Variants in MAML2 observed in about 807,000 individuals in gnomAD.
MAML2 encodes the protein mastermind like transcriptional coactivator 2, also known as mastermind-like protein 2.
MAML2 carries 22 observed loss-of-function variants against 96.1 expected under a neutral mutation model. That is an observed-to-expected ratio of 0.23 (90% CI 0.16 to 0.33). The LOEUF is 0.33. Among genes scored for constraint, MAML2 ranks in the 10% least tolerant of loss-of-function variants. MAML2 has a pLI of 1.00. For missense variants in MAML2, 1,367 were observed against 1,392.4 expected (o/e 0.98, Z 0.29); for synonymous variants, 561 against 521.3 (o/e 1.08, Z -1.04).
In MAML2 at chr11:96,143,619, C is replaced by A. The variant is rs12789038; in HGVS notation, c.514-50102G>T. ...CTTTCCTTCCCTGTTCTAATTTGTC[C>A]CTGTTCAGAGACAAATAAATTGGAA... On this transcript the variant is annotated intron_variant, in intron 1 of 4. Coordinates refer to ENST00000524717, the MANE Select transcript of MAML2 (RefSeq NM_032427.4). Among the ~76,000 whole-genome samples the A allele has an allele frequency of 3.8e-3, 576 of 152,160 alleles. 3 individuals are homozygous for A. Among genetic ancestry groups the A allele is most frequent in the African/African-American group, 0.012 (517 of 41,512 alleles).
In MAML2 at chr11:96,114,067, T is replaced by C. The variant is rs1860182741; in HGVS notation, c.514-20550A>G. Among the ~76,000 whole-genome samples, 3 of 152,196 alleles carry C rather than the reference T, an allele frequency of 2.0e-5. No homozygotes were observed. In the South Asian group the frequency reaches 6.2e-4, roughly 31 times the overall value. ...AACAGGCCTTGGTTTTTTAAACATC[T>C]AATTTAATTATCTTTAATTTGTTAA... On this transcript the variant is annotated intron_variant, in intron 1 of 4. Transcript: ENST00000524717.
At position 96,204,287 on chromosome 11, in the gene MAML2, G is replaced by A. The variant is rs117278073; in HGVS notation, c.514-110770C>T. Among the ~76,000 whole-genome samples, 856 of 152,288 alleles carry A rather than the reference G, an allele frequency of 5.6e-3. 11 individuals carry two copies. The Middle Eastern group carries it at 0.068, about 12-fold the overall frequency. On this transcript the variant is annotated intron_variant, in intron 1 of 4. Coordinates refer to ENST00000524717, the MANE Select transcript of MAML2 (RefSeq NM_032427.4). The stretch of plus-strand genomic sequence containing the variant: ...TCAATATTTATTGAGCACCTACTAC[G>A]CGCCAACCCCTGTACTATGGAAGGA...
Position 95,978,760 on chromosome 11 carries a change from C to G in MAML2, c.*188G>C. ...AAAAGTGATCCCAATATTTTACTTTCAGGTGTAAGATTTAAAACAAGAATT... is the reference window on the plus strand; with the variant it reads ...AAAAGTGATCCCAATATTTTACTTTGAGGTGTAAGATTTAAAACAAGAATT... On this transcript the variant is annotated 3_prime_UTR_variant, in exon 5 of 5. Transcript: ENST00000524717. The G allele has an allele frequency of 1.7e-6, 1 of 581,046 alleles. No homozygotes were observed. The highest frequency in any genetic ancestry group is 3.0e-6 in the Non-Finnish European group (1 of 337,920). The allele number at this position is 581,046 out of a possible 1,614,324, so 36.0% of individuals were successfully genotyped here. A position where few individuals can be genotyped will look rare whatever the true frequency, so the allele number is the denominator to read the frequency against.
intron 2 of MAML2, among the ~76,000 whole-genome samples, chr11:96,082,428 C>T (rs1859541352): frequency 1.3e-5 from 2 of 152,118 alleles, no homozygotes; most frequent in African/African-American, 4.8e-5. Flanking sequence ...AACATGGACA[C>T]TCAGGGAAGG....
At chr11:96,316,868 G>T (rs1863640158) in intron 1 of MAML2, among the ~76,000 whole-genome samples, 1 of 151,966 alleles carries the variant, frequency 6.6e-6, no homozygotes, top group Admixed American at 6.5e-5. Context: ...CCAGACAGGG[G>T]ATTCAAGCTA....
At chr11:96,098,862 A>G (rs1050395697) in intron 1 of MAML2, among the ~76,000 whole-genome samples, 1 of 152,314 alleles carries the variant, frequency 6.6e-6, no homozygotes, top group South Asian at 2.1e-4. Flanking sequence ...TTAAGTAGCT[A>G]TGCTTCACTT....
At chr11:96,167,699 C>T (rs1251343373) in intron 1 of MAML2, among the ~76,000 whole-genome samples, 1 of 152,176 alleles carries the variant, frequency 6.6e-6, no homozygotes, top group Non-Finnish European at 1.5e-5. Context: ...TTCTTCAATA[C>T]CAGCTGCAAT....
At chr11:96,083,300 G>GT (rs1186547361) in intron 2 of MAML2, among the ~76,000 whole-genome samples, 1 of 152,146 alleles carries the variant, frequency 6.6e-6, no homozygotes, top group Non-Finnish European at 1.5e-5. Flanking sequence ...TACCTGTGCA[G>GT]TTTTTTTCAT....
chr11:96,259,500 C>T (rs1862718807), intron 1 of MAML2, among the ~76,000 whole-genome samples: 1 of 152,194 alleles, frequency 6.6e-6, no homozygotes, highest in South Asian at 2.1e-4. Context: ...AGAGAGGTGT[C>T]TTTAGCTTAG....
At chr11:96,186,683 T>C (rs949155624) in intron 1 of MAML2, among the ~76,000 whole-genome samples, 15 of 152,228 alleles carry the variant, frequency 9.9e-5, no homozygotes. Context: ...CATTTTATTT[T>C]CACAACTCCA....
chr11:96,271,841 C>T (rs1027196236), intron 1 of MAML2, among the ~76,000 whole-genome samples: 6 of 152,178 alleles, frequency 3.9e-5, no homozygotes, highest in South Asian at 2.1e-4. Context: ...TCTACAAGGC[C>T]GTATGCAACC....
intron 2 of MAML2, among the ~76,000 whole-genome samples, chr11:96,006,872 TACACACACACACACACAC>T (rs57492080): frequency 4.0e-5 from 5 of 123,968 alleles, no homozygotes; most frequent in Non-Finnish European, 6.8e-5. Context: ...GAATATCTTA[TACACACACACACACACAC>T]ACACACACAC....
chr11:96,196,122 G>C (rs1418675636), intron 1 of MAML2, among the ~76,000 whole-genome samples: 3 of 152,198 alleles, frequency 2.0e-5, no homozygotes, highest in Non-Finnish European at 2.9e-5. Context: ...CATTGTTAGA[G>C]AGTAAATGTA....
At chr11:96,147,080 C>A (rs889010180) in intron 1 of MAML2, among the ~76,000 whole-genome samples, 1 of 152,180 alleles carries the variant, frequency 6.6e-6, no homozygotes, top group Non-Finnish European at 1.5e-5. Context: ...TAGTGTCAAA[C>A]TCATTGTAGT....
intron 1 of MAML2, among the ~76,000 whole-genome samples, chr11:96,280,622 G>T (rs538982605): frequency 3.9e-5 from 6 of 152,138 alleles, no homozygotes; most frequent in Non-Finnish European, 8.8e-5. Flanking sequence ...GTCTGGGCTC[G>T]CACCCTCCCT....
intron 2 of MAML2, among the ~76,000 whole-genome samples, chr11:96,084,200 A>G (rs1859571690): frequency 6.6e-6 from 1 of 152,110 alleles, no homozygotes; most frequent in African/African-American, 2.4e-5. Context: ...ATGAAAACCA[A>G]TGACTTTGGA....
Position 95,985,591 on chromosome 11 carries a change from G to A in MAML2, c.2395C>T (p.Pro799Ser). The change falls in exon 4 of 5, where the codon CCA (proline) becomes TCA (serine). Residue 799 changes from proline to serine, a missense_variant. Transcript: ENST00000524717. ...QINRHLSRPP[P>S]DYKDQRRNVG... is the part of the protein sequence containing the mutation. Reference sequence around the variant, plus strand: ...TTTCTTCTTTGGTCTTTATAATCTGGAGGTGGCCTTGACAAATGTCGGTTT... The same window carrying A: ...TTTCTTCTTTGGTCTTTATAATCTGAAGGTGGCCTTGACAAATGTCGGTTT... 1 of 1,612,908 alleles carries A rather than the reference G, an allele frequency of 6.2e-7. No individual in the cohort carries two copies.
chr11:96,049,196 G>A (rs1402540548), intron 2 of MAML2, among the ~76,000 whole-genome samples: 1 of 152,124 alleles, frequency 6.6e-6, no homozygotes, highest in African/African-American at 2.4e-5. Context: ...GGTGACTTCA[G>A]AACTGGCATA....
At position 96,343,193 on chromosome 11, in the gene MAML2, A is replaced by C. The variant is rs1675224148; in HGVS notation, c.-1298T>G. 1 of 205,314 alleles carries C rather than the reference A, an allele frequency of 4.9e-6. No individual in the cohort carries two copies. Among genetic ancestry groups the C allele is most frequent in the Non-Finnish European group, 9.3e-6 (1 of 107,692 alleles). The allele number at this position is 205,314 out of a possible 1,614,324, so 12.7% of individuals were successfully genotyped here. A position where few individuals can be genotyped will look rare whatever the true frequency, so the allele number is the denominator to read the frequency against. ...ATAGGAGAGGGAGAGAAAGAGAGAG[A>C]GTGAGACAGAGAAGGAGAAAGAGAG... On this transcript the variant is annotated 5_prime_UTR_variant, in exon 1 of 5. Transcript: ENST00000524717.
Sources: allele counts gnomAD v4.1 joint callset (sites outside exome capture counted in the v4.1 genomes callset), GRCh38; gene constraint gnomAD v4.1.1; transcripts MANE v1.5; gene names NCBI Gene and HGNC (gene_info 2026-07-23, HGNC 2026-07-21).